Variants in DNER observed in about 807,000 individuals in gnomAD.
DNER encodes delta and Notch-like epidermal growth factor-related receptor.
Under a neutral mutation model 78.2 loss-of-function variants are expected in DNER, and 33 were observed. That is an observed-to-expected ratio of 0.42 (90% CI 0.32 to 0.56). The LOEUF is 0.56. DNER is among the 20% of genes least tolerant of loss of function. DNER has a pLI of 0.11. For synonymous variants in DNER, 417 were observed against 384.8 expected, an observed-to-expected ratio of 1.08 and a Z score of -0.98; for missense variants, 918 against 975.3, an observed-to-expected ratio of 0.94 and a Z score of 0.78.
At chr2:229,619,174 T>TACACAC (rs1335474116) in intron 1 of DNER, among the ~76,000 whole-genome samples, 4 of 146,830 alleles carry the variant, frequency 2.7e-5, no homozygotes, top group Admixed American at 6.8e-5. Flanking sequence ...CACACACACA[T>TACACAC]ACACACACAC....
chr2:229,409,106 G>T (rs929519368), intron 9 of DNER, among the ~76,000 whole-genome samples: 9 of 152,170 alleles, frequency 5.9e-5, no homozygotes, highest in African/African-American at 2.2e-4. Context: ...CATAAATCTG[G>T]TCATTCTTCT....
chr2:229,582,386 C>G (rs1055384546), intron 4 of DNER, among the ~76,000 whole-genome samples: 1 of 152,070 alleles, frequency 6.6e-6, no homozygotes, highest in African/African-American at 2.4e-5. Context: ...ACCTGGCCAT[C>G]CCTCCCCAGG....
intron 1 of DNER, among the ~76,000 whole-genome samples, chr2:229,686,210 A>G (rs1315645105): frequency 6.6e-6 from 1 of 152,170 alleles, no homozygotes; most frequent in East Asian, 1.9e-4. Flanking sequence ...CACTCCCCAC[A>G]GAATGGAGGC....
intron 1 of DNER, among the ~76,000 whole-genome samples, chr2:229,658,269 A>C (rs890416802): frequency 1.3e-5 from 2 of 152,216 alleles, no homozygotes; most frequent in African/African-American, 4.8e-5. Flanking sequence ...CATCTTCTGA[A>C]GCACTTTTTA....
chr2:229,601,956 AT>A (rs2154214926), intron 1 of DNER, among the ~76,000 whole-genome samples: 1 of 151,652 alleles, frequency 6.6e-6, no homozygotes, highest in South Asian at 2.1e-4. Context: ...ATAGCACTCA[AT>A]TGCACTTACT....
intron 1 of DNER, among the ~76,000 whole-genome samples, chr2:229,632,228 G>T (rs1373520524): frequency 2.6e-5 from 4 of 152,082 alleles, no homozygotes; most frequent in African/African-American, 9.7e-5. Context: ...ATATCCTAAG[G>T]ATTCTGGAAA....
Position 229,519,453 on chromosome 2 carries a change from G to A in DNER, c.994-6517C>T, listed in dbSNP as rs1057322007. ...TCAACATAAAATGCCCAACTGACTA[G>A]ACATTGAATTTCATTGTTTATAAAG... On this transcript the variant is annotated intron_variant, in intron 5 of 12. Coordinates refer to ENST00000341772, the MANE Select transcript of DNER (RefSeq NM_139072.4). Among the ~76,000 whole-genome samples, 4 of 152,106 alleles carry A rather than the reference G, an allele frequency of 2.6e-5. No homozygotes were observed. In the East Asian group the frequency reaches 7.7e-4, roughly 29 times the overall value.
At chr2:229,626,668 A>T (rs1185989969) in intron 1 of DNER, among the ~76,000 whole-genome samples, 1 of 152,230 alleles carries the variant, frequency 6.6e-6, no homozygotes, top group Non-Finnish European at 1.5e-5. Flanking sequence ...TAAATTAATA[A>T]ATCAATACAA....
chr2:229,614,572 G>A (rs985948263), intron 1 of DNER, among the ~76,000 whole-genome samples: 9 of 152,138 alleles, frequency 5.9e-5, no homozygotes, highest in African/African-American at 2.2e-4. Flanking sequence ...AATTTCCTGG[G>A]ACAAGGAGGT....
At chr2:229,493,427 A>ATTTCAACT (rs1695442894) in intron 6 of DNER, among the ~76,000 whole-genome samples, 2 of 152,198 alleles carry the variant, frequency 1.3e-5, no homozygotes, top group Admixed American at 6.5e-5. Context: ...AAGAAGTTAA[A>ATTTCAACT]TTTCAACTTA....
At chr2:229,392,364 A>T (rs1229997076) in intron 10 of DNER, among the ~76,000 whole-genome samples, 2 of 152,094 alleles carry the variant, frequency 1.3e-5, no homozygotes, top group African/African-American at 4.8e-5. Flanking sequence ...GCTGAGCACC[A>T]CAATCATTCT....
chr2:229,422,622 C>A (rs1217110280), intron 8 of DNER, among the ~76,000 whole-genome samples: 1 of 152,032 alleles, frequency 6.6e-6, no homozygotes, highest in Admixed American at 6.6e-5. Flanking sequence ...AGAAGAAGAC[C>A]AGTTTAACTT....
At chr2:229,582,698 G>A (rs1485809094) in intron 4 of DNER, among the ~76,000 whole-genome samples, 3 of 152,092 alleles carry the variant, frequency 2.0e-5, no homozygotes, top group Non-Finnish European at 2.9e-5. Flanking sequence ...AGAGTGCAGT[G>A]GCGTGATCTT....
intron 4 of DNER, among the ~76,000 whole-genome samples, chr2:229,563,840 C>T (rs537471704): frequency 7.4e-5 from 11 of 148,190 alleles, no homozygotes; most frequent in Admixed American, 2.0e-4. Context: ...TCATCATCAC[C>T]CCACCACCGT....
At position 229,588,462 on chromosome 2, in the gene DNER, A is replaced by G; in HGVS notation, c.612T>C (p.Asn204=). The G allele has an allele frequency of 1.9e-6, 3 of 1,580,402 alleles. No individual in the cohort carries two copies. The highest frequency in any genetic ancestry group is 2.6e-6 in the Non-Finnish European group (3 of 1,157,156). Residue 204 remains asparagine, a synonymous_variant, in exon 3 of 13, where the codon AAT becomes AAC. Transcript: ENST00000341772. Reference sequence around the variant, plus strand: ...CACCCGCAGAGCTGTTAGAACTGGCATTCCCACAGGCAATATCTGGGATCA... The same window carrying G: ...CACCCGCAGAGCTGTTAGAACTGGCGTTCCCACAGGCAATATCTGGGATCA... ...VEVIPDIACG[N]ASSNSSAGGR... is the part of the protein sequence containing the mutation.
At chr2:229,618,040 C>A (rs758328728) in intron 1 of DNER, among the ~76,000 whole-genome samples, 2 of 152,226 alleles carry the variant, frequency 1.3e-5, no homozygotes, top group Non-Finnish European at 2.9e-5. Flanking sequence ...GTTGCTACAT[C>A]CATCCAATGG....
At chr2:229,444,363 T>G (rs1694297360) in intron 8 of DNER, among the ~76,000 whole-genome samples, 1 of 152,036 alleles carries the variant, frequency 6.6e-6, no homozygotes, top group Admixed American at 6.6e-5. Context: ...GAAAACTGAG[T>G]CCCAGAGATG....
intron 8 of DNER, among the ~76,000 whole-genome samples, chr2:229,442,873 AC>A (rs1694265587): frequency 6.6e-6 from 1 of 152,220 alleles, no homozygotes; most frequent in Admixed American, 6.5e-5. Flanking sequence ...AAAAAAAATT[AC>A]ATCTAAAATC....
chr2:229,391,917 T>C (rs887979229), intron 10 of DNER, among the ~76,000 whole-genome samples: 4 of 152,216 alleles, frequency 2.6e-5, no homozygotes, highest in Non-Finnish European at 5.9e-5. Flanking sequence ...GTAGTACTTA[T>C]GTAGATTTAC....
Sources: allele counts gnomAD v4.1 joint callset (sites outside exome capture counted in the v4.1 genomes callset), GRCh38; gene constraint gnomAD v4.1.1; transcripts MANE v1.5; gene names NCBI Gene and HGNC (gene_info 2026-07-23, HGNC 2026-07-21).